Variants in ME3 observed in about 807,000 individuals in gnomAD.
ME3 encodes the protein NADP-dependent malic enzyme, mitochondrial.
Under a neutral mutation model 68.9 loss-of-function variants are expected in ME3, and 48 were observed. The observed-to-expected ratio is 0.70, with a 90% CI of 0.55 to 0.89. The LOEUF (loss-of-function observed/expected upper bound fraction) is 0.89, where lower values mean the gene tolerates loss of function less well. ME3 is among the 40% of genes least tolerant of loss of function. The probability of loss-of-function intolerance (pLI) is 0.00; values close to 1 mark genes in which losing one functional copy is unlikely to be tolerated. For synonymous variants in ME3, 320 were observed against 318.8 expected (o/e 1.00, Z -0.04); for missense variants, 675 against 797.4 (o/e 0.85, Z 1.85).
Position 86,460,939 on chromosome 11 carries a change from GACCCAT to G in ME3, c.919+4146_919+4151del, listed in dbSNP as rs559820657. Among the ~76,000 whole-genome samples, 23 of 152,330 alleles carry G rather than the reference GACCCAT, an allele frequency of 1.5e-4. No individual in the cohort carries two copies. The East Asian group carries it at 4.4e-3, about 29-fold the overall frequency. On this transcript the variant is annotated intron_variant, in intron 8 of 14. Coordinates refer to ENST00000543262, the Ensembl canonical transcript of ME3. The stretch of plus-strand genomic sequence containing the variant: ...ACACACATCACAGGCTTCTGGCCTG[GACCCAT>G]CCCTAACCAGCTTGTGACTGTGGGC...
chr11:86,632,177 G>A (rs969672873), intron 2 of ME3, among the ~76,000 whole-genome samples: 1 of 152,206 alleles, frequency 6.6e-6, no homozygotes, highest in Non-Finnish European at 1.5e-5. Flanking sequence ...GGTGTGGACT[G>A]GATACTTCCA....
intron 4 of ME3, among the ~76,000 whole-genome samples, chr11:86,539,155 C>T (rs1422432079): frequency 1.3e-5 from 2 of 152,148 alleles, no homozygotes; most frequent in African/African-American, 4.8e-5. Context: ...CCAGCAGTGT[C>T]CCTTACACTC....
At chr11:86,488,192 G>GAAA (rs932300579) in intron 6 of ME3, among the ~76,000 whole-genome samples, 2 of 152,086 alleles carry the variant, frequency 1.3e-5, no homozygotes, top group Non-Finnish European at 2.9e-5. Context: ...AAAAAAAGAA[G>GAAA]AAAAAATGAA....
chr11:86,654,595 C>T (rs1247447223), intron 2 of ME3, among the ~76,000 whole-genome samples: 2 of 152,158 alleles, frequency 1.3e-5, no homozygotes, highest in Non-Finnish European at 2.9e-5. Context: ...TGGGACATAT[C>T]TCAAAATAAT....
At chr11:86,523,543 A>C (rs1462784295) in intron 4 of ME3, among the ~76,000 whole-genome samples, 1 of 152,118 alleles carries the variant, frequency 6.6e-6, no homozygotes, top group Non-Finnish European at 1.5e-5. Context: ...CAAATCTCAG[A>C]TATTGCTCTA....
At chr11:86,490,931 T>C (rs1461480696) in intron 6 of ME3, among the ~76,000 whole-genome samples, 1 of 152,194 alleles carries the variant, frequency 6.6e-6, no homozygotes, top group Non-Finnish European at 1.5e-5. Context: ...AAAAAATTTC[T>C]CAGTATACTG....
intron 2 of ME3, among the ~76,000 whole-genome samples, chr11:86,566,614 A>ACG (rs1274602074): frequency 1.3e-5 from 2 of 152,062 alleles, no homozygotes; most frequent in Non-Finnish European, 2.9e-5. Flanking sequence ...TTACAGCCAC[A>ACG]TTGTGAGGAA....
intron 2 of ME3, among the ~76,000 whole-genome samples, chr11:86,656,507 C>T (rs945317870): frequency 2.0e-5 from 3 of 150,230 alleles, no homozygotes; most frequent in African/African-American, 7.4e-5. Flanking sequence ...GACAAAAAAC[C>T]AAACACTTCA....
intron 13 of ME3, among the ~76,000 whole-genome samples, chr11:86,444,682 C>T (rs751614381): frequency 6.6e-6 from 1 of 152,164 alleles, no homozygotes; most frequent in Non-Finnish European, 1.5e-5. Context: ...GAGCAAGTGA[C>T]TTAAACTCAC....
chr11:86,534,091 A>ATATATATG (rs1565914939), intron 4 of ME3, among the ~76,000 whole-genome samples: 2 of 60,406 alleles, frequency 3.3e-5, no homozygotes, highest in East Asian at 1.0e-3. Context: ...GTATATATAT[A>ATATATATG]TATATATATA....
rs1291149229 is a variant in ME3 at position 86,450,010 on chromosome 11, G to T, written c.1018-8C>A. On this transcript the variant is annotated splice_region_variant and splice_polypyrimidine_tract_variant and intron_variant, in intron 9 of 14. Transcript: ENST00000543262. ...GGCAATGCCCATAGCTGCCTGGAAG[G>T]TACCATAGGGTAGATGTTCAGACAC... The T allele has an allele frequency of 6.3e-7, 1 of 1,586,172 alleles. No individual in the cohort carries two copies. Among genetic ancestry groups the T allele is most frequent in the South Asian group, 1.1e-5 (1 of 89,700 alleles).
At chr11:86,650,673 C>G (rs983163170) in intron 2 of ME3, among the ~76,000 whole-genome samples, 1 of 152,206 alleles carries the variant, frequency 6.6e-6, no homozygotes. Context: ...GTGAGCGACA[C>G]AGAAGATGAA....
chr11:86,592,007 G>A (rs1959091902), intron 2 of ME3, among the ~76,000 whole-genome samples: 3 of 152,136 alleles, frequency 2.0e-5, no homozygotes, highest in Non-Finnish European at 4.4e-5. Context: ...TGTTATGGGA[G>A]CCTGAGCAAA....
At chr11:86,603,333 A>C (rs746734780) in intron 2 of ME3, among the ~76,000 whole-genome samples, 39 of 152,314 alleles carry the variant, frequency 2.6e-4, no homozygotes, top group Non-Finnish European at 5.0e-4. Flanking sequence ...ATGCAGCCAA[A>C]AGACACATGA....
intron 2 of ME3, among the ~76,000 whole-genome samples, chr11:86,616,878 G>C (rs577668820): frequency 2.6e-5 from 4 of 152,196 alleles, no homozygotes; most frequent in Non-Finnish European, 5.9e-5. Flanking sequence ...AAAGTCTGGA[G>C]TTTAGTTCAT....
downstream of ME3, among the ~76,000 whole-genome samples, chr11:86,438,721 T>G (rs562330886): frequency 6.6e-6 from 1 of 152,312 alleles, no homozygotes; most frequent in African/African-American, 2.4e-5. Context: ...CCCATTTTCT[T>G]AAGGAGGAAG....
At chr11:86,621,515 A>C (rs1223952042) in intron 2 of ME3, among the ~76,000 whole-genome samples, 1 of 152,084 alleles carries the variant, frequency 6.6e-6, no homozygotes, top group East Asian at 1.9e-4. Flanking sequence ...ATCACTTCAG[A>C]AAGTTTTTTT....
At chr11:86,639,150 G>A (rs1944518690) in intron 2 of ME3, among the ~76,000 whole-genome samples, 4 of 152,134 alleles carry the variant, frequency 2.6e-5, no homozygotes, top group Admixed American at 2.6e-4. Flanking sequence ...GGAATTAATG[G>A]TTCCCCACAA....
chr11:86,499,217 T>A (rs624236), intron 5 of ME3, among the ~76,000 whole-genome samples: 115,380 of 151,736 alleles, frequency 0.76, 44,228 homozygotes, highest in Non-Finnish European at 0.8. Context: ...GTAGGATGTG[T>A]TTGGGGAGCG....
Sources: gnomAD v4.1 joint callset for allele counts (sites outside exome capture counted in the v4.1 genomes callset) on GRCh38, gnomAD v4.1.1 for gene constraint, MANE v1.5 for transcripts, NCBI Gene and HGNC (gene_info 2026-07-23, HGNC 2026-07-21) for gene names.